Variants in NAV1 observed in about 807,000 individuals in gnomAD.
The protein encoded by NAV1 is neuron navigator 1, also known as pore membrane and/or filament interacting like protein 3.
Under a neutral mutation model 175.2 loss-of-function variants are expected in NAV1, and 18 were observed. The observed-to-expected ratio is 0.10, with a 90% CI of 0.07 to 0.15. NAV1 has a LOEUF of 0.15. NAV1 is among the 10% of genes least tolerant of loss of function. The pLI is 1.00. For synonymous variants in NAV1, 897 were observed against 978.7 expected (o/e 0.92, Z 1.56); for missense variants, 1,731 against 2,436.6 (o/e 0.71, Z 6.10).
chr1:201,786,112 C>T (rs1676729236), intron 8 of NAV1, among the ~76,000 whole-genome samples: 1 of 152,090 alleles, frequency 6.6e-6, no homozygotes, highest in South Asian at 2.1e-4. Flanking sequence ...AACTTGAAAG[C>T]CCACATGTGG....
At chr1:201,756,862 T>TTCTTTCTTTCTTTC (rs1558131736) in intron 3 of NAV1, among the ~76,000 whole-genome samples, 1 of 100,898 alleles carries the variant, frequency 9.9e-6, no homozygotes, top group Admixed American at 9.7e-5. Flanking sequence ...CTTTCTTTCT[T>TTCTTTCTTTCTTTC]TCTTTCTTTC....
chr1:201,646,748 A>G (rs578128480), upstream of NAV1, among the ~76,000 whole-genome samples: 2 of 152,338 alleles, frequency 1.3e-5, no homozygotes, highest in South Asian at 4.1e-4. Context: ...AACCCAGCGT[A>G]CAGTGCTCAG....
chr1:201,736,870 G>C (rs1673134119), intron 3 of NAV1, among the ~76,000 whole-genome samples: 1 of 151,970 alleles, frequency 6.6e-6, no homozygotes, highest in African/African-American at 2.4e-5. Context: ...CTGACTCCCA[G>C]CTCCCTTTCA....
chr1:201,768,781 A>G (rs181156957), intron 3 of NAV1, among the ~76,000 whole-genome samples: 91 of 152,282 alleles, frequency 6.0e-4, no homozygotes, highest in Non-Finnish European at 1.9e-4. Context: ...CCAATTTTTT[A>G]CCTATAAGAT....
intron 1 of NAV1, among the ~76,000 whole-genome samples, chr1:201,663,023 G>A (rs1465786888): frequency 6.6e-6 from 1 of 152,192 alleles, no homozygotes; most frequent in Non-Finnish European, 1.5e-5. Flanking sequence ...CTACACATCT[G>A]ATTCTTCTCC....
intron 3 of NAV1, among the ~76,000 whole-genome samples, chr1:201,766,307 T>C (rs1469730219): frequency 6.6e-6 from 1 of 152,216 alleles, no homozygotes; most frequent in Non-Finnish European, 1.5e-5. Context: ...GCTAGTTTGC[T>C]GTGATCTCTG....
intron 3 of NAV1, among the ~76,000 whole-genome samples, chr1:201,768,539 G>A (rs1446324175): frequency 6.6e-6 from 1 of 151,176 alleles, no homozygotes; most frequent in Non-Finnish European, 1.5e-5. Context: ...TTGGGGAGCT[G>A]AAGCAGGAGG....
intron 2 of NAV1, among the ~76,000 whole-genome samples, chr1:201,636,569 G>A (rs1046351492): frequency 6.6e-6 from 1 of 152,208 alleles, no homozygotes; most frequent in Non-Finnish European, 1.5e-5. Flanking sequence ...TTAAAGGTCA[G>A]GACATAGGAA....
At chr1:201,541,822 T>A (rs1665524201) in intron 1 of NAV1, among the ~76,000 whole-genome samples, 2 of 152,156 alleles carry the variant, frequency 1.3e-5, no homozygotes, top group South Asian at 4.2e-4. Flanking sequence ...TCTAGCCCCC[T>A]CCTGAGTCCC....
chr1:201,790,510 C>G, intron 11 of NAV1, 44 bp from the exon 16 acceptor site: 1 of 1,612,250 alleles, frequency 6.2e-7, no homozygotes, highest in Non-Finnish European at 8.5e-7. Context: ...ATAGTAACTA[C>G]TTCCTTTCTC....
At chr1:201,619,125 T>C (rs1003695880), upstream of NAV1, among the ~76,000 whole-genome samples, 1 of 152,188 alleles carries the variant, frequency 6.6e-6, no homozygotes, top group Non-Finnish European at 1.5e-5. Flanking sequence ...TCTTGTGACC[T>C]ACCATGGGAA....
At position 201,689,813 on chromosome 1, in the gene NAV1, C is replaced by G. The variant is rs113347092; in HGVS notation, c.758-23004C>G. ...ATTGGGGGAGTGCGGTGGAAGCTCT[C>G]CTAGGGGCCTCAGAGCAGCTGGGTT... is the stretch of plus-strand genomic sequence containing the variant. On this transcript the variant is annotated intron_variant, in intron 1 of 29. Coordinates refer to ENST00000367296, the Ensembl canonical transcript of NAV1. Among the ~76,000 whole-genome samples, 1,077 of 152,338 alleles carry G rather than the reference C, an allele frequency of 7.1e-3. 11 individuals are homozygous for G. The highest frequency in any genetic ancestry group is 0.025 in the African/African-American group (1,024 of 41,572).
At chr1:201,604,463 T>C (rs1267139) in intron 2 of NAV1, among the ~76,000 whole-genome samples, 36,530 of 151,930 alleles carry the variant, frequency 0.24, 4,776 homozygotes, top group East Asian at 0.54. Context: ...TAGTAGATCA[T>C]TTGAAGTCAG....
At chr1:201,708,663 C>T (rs981959269) in intron 1 of NAV1, among the ~76,000 whole-genome samples, 5 of 152,172 alleles carry the variant, frequency 3.3e-5, no homozygotes, top group Non-Finnish European at 2.9e-5. Context: ...AAAGGTGCCA[C>T]GTAAGATGGG....
intron 1 of NAV1, among the ~76,000 whole-genome samples, chr1:201,563,273 G>T (rs887759739): frequency 1.3e-5 from 2 of 152,150 alleles, no homozygotes; most frequent in Non-Finnish European, 2.9e-5. Flanking sequence ...CTCGAAGAGC[G>T]TCCGGACGCC....
At chr1:201,711,812 TG>T (rs1484451286) in intron 1 of NAV1, among the ~76,000 whole-genome samples, 2 of 152,174 alleles carry the variant, frequency 1.3e-5, no homozygotes, top group Non-Finnish European at 2.9e-5. Context: ...GGGCCCAGGG[TG>T]GTGCCTGATG....
intron 1 of NAV1, among the ~76,000 whole-genome samples, chr1:201,674,748 G>A (rs570051506): frequency 1.2e-4 from 18 of 152,172 alleles, no homozygotes; most frequent in Admixed American, 2.6e-4. Flanking sequence ...CAGATCTCAC[G>A]AAAACTGGCT....
chr1:201,747,392 A>C (rs1482429273), intron 3 of NAV1, among the ~76,000 whole-genome samples: 1 of 152,228 alleles, frequency 6.6e-6, no homozygotes, highest in Non-Finnish European at 1.5e-5. Flanking sequence ...ACGATTTTAA[A>C]AATAGGTTTT....
intron 1 of NAV1, among the ~76,000 whole-genome samples, chr1:201,702,672 TTC>T (rs756726434): frequency 0.013 from 23 of 1,718 alleles, no homozygotes; most frequent in Admixed American, 0.033. Flanking sequence ...GGTATGTGAA[TTC>T]TCTCTCTCTC....
Sources: gnomAD v4.1 joint callset for allele counts (sites outside exome capture counted in the v4.1 genomes callset) on GRCh38, gnomAD v4.1.1 for gene constraint, MANE v1.5 for transcripts, NCBI Gene and HGNC (gene_info 2026-07-23, HGNC 2026-07-21) for gene names.